Variants in ASIC4 observed in about 807,000 individuals in gnomAD.
ASIC4 encodes the protein acid sensing ion channel subunit family member 4, also known as acid-sensing ion channel 4.
Under a neutral mutation model 53.4 loss-of-function variants are expected in ASIC4, and 28 were observed. The ratio of observed to expected loss-of-function variants is 0.52; its 90% CI spans 0.39 to 0.72. The LOEUF (loss-of-function observed/expected upper bound fraction) is 0.72. ASIC4 is among the 30% of genes least tolerant of loss of function. ASIC4 has a pLI of 0.00. For synonymous variants in ASIC4, 289 were observed against 301.4 expected, an observed-to-expected ratio of 0.96 and a Z score of 0.43; for missense variants, 649 against 729.7, an observed-to-expected ratio of 0.89 and a Z score of 1.27.
At chr2:219,509,499 G>A (rs1034552597), upstream of ASIC4, among the ~76,000 whole-genome samples, 5 of 152,026 alleles carry the variant, frequency 3.3e-5, no homozygotes, top group African/African-American at 9.7e-5. This position sits in a 1 kb window ranked among gnomAD's most constrained non-coding sequence, Gnocchi z 5.2. Flanking sequence ...ACCCGGCCCC[G>A]CCTGCCACCC....
chr2:219,525,721 C>T (rs917039210), intron 1 of ASIC4, among the ~76,000 whole-genome samples: 1 of 152,200 alleles, frequency 6.6e-6, no homozygotes, highest in Non-Finnish European at 1.5e-5. Flanking sequence ...AAAGCTAGGC[C>T]CTGGGAGCTG....
Position 219,531,505 on chromosome 2 carries a change from C to T in ASIC4, c.583-253C>T, listed in dbSNP as rs913464267. 5.3e-5 allele frequency among the ~76,000 whole-genome samples: 8 copies of T among 152,170 alleles called. No homozygotes were observed. In the East Asian group the frequency reaches 1.4e-3, roughly 26 times the overall value. On this transcript the variant is annotated intron_variant, in intron 1 of 9. Transcript: ENST00000358078. ...GGTGGTTTACTAGGGTGGAGGAAAA[C>T]GGTGGGGGGAAGGCAGGGTTTGGGA...
upstream of ASIC4, among the ~76,000 whole-genome samples, chr2:219,512,115 T>C (rs1574484163): frequency 2.0e-5 from 3 of 151,622 alleles, no homozygotes; most frequent in South Asian, 6.3e-4. Context: ...GGGGCAGTGG[T>C]GGGGGTGTGC....
chr2:219,532,063 A>G lies in ASIC4; in HGVS notation c.790A>G (p.Ile264Val), dbSNP rs148791410. Residue 264 changes from isoleucine (I) to valine (V), a missense_variant, in exon 3 of 10, where the codon ATC (isoleucine) becomes GTC (valine). By Grantham distance (29) the Ile-to-Val change is conservative (BLOSUM62 3). Coordinates refer to ENST00000358078, the MANE Select transcript of ASIC4 (RefSeq NM_018674.6). ...QIHSQEEPPY[I>V]HQLGFGVSPG... ...CCACAGCCAGGAGGAGCCGCCCTAC[A>G]TCCACCAGCTGGGGTTCGGGGTGTC... 775 of 1,614,206 alleles carry G rather than the reference A, an allele frequency of 4.8e-4. 9 individuals carry two copies. The highest frequency in any genetic ancestry group is 1.6e-3 in the Admixed American group (96 of 60,030).
rs1695138857 is a variant in ASIC4, at chr2:219,536,522, G to C, written c.1230-544G>C. Among the ~76,000 whole-genome samples, 1 of 152,202 alleles carries C rather than the reference G, an allele frequency of 6.6e-6. No individual in the cohort carries two copies. The highest frequency in any genetic ancestry group is 2.4e-5 in the African/African-American group (1 of 41,442). On this transcript the variant is annotated intron_variant, in intron 6 of 9. Coordinates refer to ENST00000358078, the MANE Select transcript of ASIC4 (RefSeq NM_018674.6). The surrounding 1 kb of genome is among the most constrained non-coding windows in gnomAD (Gnocchi z 4.6). ...TCGGGGAGTGAAGCTGGGGAGGCGT[G>C]AGCCGGCCTCTGAGGGCCCTGGGTT...
At chr2:219,513,680 A>G (rs925874612), upstream of ASIC4, among the ~76,000 whole-genome samples, 1 of 152,168 alleles carries the variant, frequency 6.6e-6, no homozygotes, top group African/African-American at 2.4e-5. Flanking sequence ...TGGTTGTGGC[A>G]AGGGATTTGG....
Position 219,515,150 on chromosome 2 carries a change from G to T in ASIC4, c.426G>T (p.Leu142=), listed in dbSNP as rs1385815374. The change falls in exon 1 of 10, where the codon CTG becomes CTT. Residue 142 remains leucine, a synonymous_variant. Coordinates refer to ENST00000358078, the MANE Select transcript of ASIC4 (RefSeq NM_018674.6). ...TCCACCTGGCCAATCTGACAGGGCT[G>T]CCCCCCAAAGACCGGGATGGGCACC... The part of the protein sequence containing the change: ...DIFHLANLTG[L]PPKDRDGHRA... 1.5e-5 allele frequency: 25 copies of T among 1,614,138 alleles called. No individual in the cohort carries two copies. Among genetic ancestry groups the T allele is most frequent in the Non-Finnish European group, 2.1e-5 (25 of 1,180,014 alleles).
At position 219,536,800 on chromosome 2, in the gene ASIC4, C is replaced by T. The variant is rs1695145402; in HGVS notation, c.1230-266C>T. ...GCGTAAGGAGGAGGCAAAGGCAACA[C>T]CACTGGCTGCTTTAGAGGAGGGAGG... On this transcript the variant is annotated intron_variant, in intron 6 of 9. Transcript: ENST00000358078. The surrounding 1 kb of genome is among the most constrained non-coding windows in gnomAD (Gnocchi z 4.6). Among the ~76,000 whole-genome samples, 1 of 152,074 alleles carries T rather than the reference C, an allele frequency of 6.6e-6. No individual in the cohort carries two copies.
rs747603402 is a variant in ASIC4, at chr2:219,532,288, T to C, written c.856-27T>C. On this transcript the variant is annotated intron_variant, in intron 3 of 9. Coordinates refer to ENST00000358078, the MANE Select transcript of ASIC4 (RefSeq NM_018674.6). ...GAGGACTGGGTGGGATTCCTGAGCATGACCTCATCATGCCCCACCTCTGCA... is the reference window on the plus strand; with the variant it reads ...GAGGACTGGGTGGGATTCCTGAGCACGACCTCATCATGCCCCACCTCTGCA... The C allele has an allele frequency of 1.0e-5, 16 of 1,602,502 alleles. No individual in the cohort carries two copies. In the Admixed American group the frequency reaches 2.2e-4, roughly 22 times the overall value.
At chr2:219,532,706 G>A (rs1394820172) in intron 4 of ASIC4, 177 bp from the exon 5 acceptor site, 6 of 811,938 alleles carry the variant, frequency 7.4e-6, no homozygotes, top group Non-Finnish European at 1.2e-5. Flanking sequence ...ATTTGTGTAC[G>A]TGCATGCTCA....
At chr2:219,509,928 C>T (rs560450244), upstream of ASIC4, among the ~76,000 whole-genome samples, 291 of 152,250 alleles carry the variant, frequency 1.9e-3, 2 homozygotes, top group African/African-American at 6.5e-3. The surrounding 1 kb of genome is among the most constrained non-coding windows in gnomAD (Gnocchi z 5.2). Flanking sequence ...CTGCCCCCAC[C>T]CCCAAATCCG....
Position 219,532,004 on chromosome 2 carries a change from A to G in ASIC4, c.731A>G (p.Glu244Gly). The G allele has an allele frequency of 6.2e-7, 1 of 1,614,200 alleles. No homozygotes were observed. Among genetic ancestry groups the G allele is most frequent in the South Asian group, 1.1e-5 (1 of 91,082 alleles). The change falls in exon 3 of 10, where the codon GAG becomes GGG. Residue 244 changes from glutamate to glycine, a missense_variant. Transcript: ENST00000358078. ...EYLPIWRETNETSFEAGIRVQ... is the reference protein window; with the variant it reads ...EYLPIWRETNGTSFEAGIRVQ... ...GGTCCCCATCTCTGCTGTGCAGATGAGACGTCGTTTGAGGCAGGTATTCGG... is the reference window on the plus strand; with the variant it reads ...GGTCCCCATCTCTGCTGTGCAGATGGGACGTCGTTTGAGGCAGGTATTCGG...
At chr2:219,510,845 C>A (rs1399363425), upstream of ASIC4, among the ~76,000 whole-genome samples, 2 of 152,026 alleles carry the variant, frequency 1.3e-5, no homozygotes, top group Non-Finnish European at 2.9e-5. The surrounding 1 kb of genome is among the most constrained non-coding windows in gnomAD (Gnocchi z 5.2). Context: ...CTCCCCACCC[C>A]CCTTCTCTGG....
rs1424327598 is a variant in ASIC4, at chr2:219,522,719, GC to G, written c.582+7418del. On this transcript the variant is annotated intron_variant, in intron 1 of 9. Coordinates refer to ENST00000358078, the MANE Select transcript of ASIC4 (RefSeq NM_018674.6). ...CCGCATCCATCTCCTCGGGACCCCCGCCCCCGTCGCCCCCTCCCCGGCCGCC... is the reference window on the plus strand; with the variant it reads ...CCGCATCCATCTCCTCGGGACCCCCGCCCCGTCGCCCCCTCCCCGGCCGCC... Among the ~76,000 whole-genome samples, 3 of 152,158 alleles carry G rather than the reference GC, an allele frequency of 2.0e-5. No homozygotes were observed. In the East Asian group the frequency reaches 5.8e-4, roughly 29 times the overall value.
In ASIC4 at chr2:219,537,483, G is replaced by A. The variant is rs1488848450; in HGVS notation, c.1402-149G>A. ...GGCAGGCCTGAGGGCTCAGAGTCAG[G>A]AGAAGGGGATGGGTGAGGAGGAGGA... On this transcript the variant is annotated intron_variant, in intron 8 of 9. Coordinates refer to ENST00000358078, the MANE Select transcript of ASIC4 (RefSeq NM_018674.6). This position sits in a 1 kb window ranked among gnomAD's most constrained non-coding sequence, Gnocchi z 4.9. The A allele has an allele frequency of 2.8e-6, 3 of 1,069,262 alleles. No individual in the cohort carries two copies. The highest frequency in any genetic ancestry group is 3.0e-5 in the South Asian group (2 of 66,524). The allele number at this position is 1,069,262 out of a possible 1,614,324, so 66.2% of individuals were successfully genotyped here.
chr2:219,508,739 G>A, the ASIC4 span, among the ~76,000 whole-genome samples: 1 of 151,442 alleles, frequency 6.6e-6, no homozygotes, highest in Non-Finnish European at 1.5e-5. Flanking sequence ...GGCTGTTTAG[G>A]GGTAGGAGGG....
intron 1 of ASIC4, among the ~76,000 whole-genome samples, chr2:219,528,263 A>C (rs201184291): frequency 6.6e-6 from 1 of 152,142 alleles, no homozygotes; most frequent in Non-Finnish European, 1.5e-5. Context: ...CTGCTCTGTC[A>C]CCCAGGCTGG....
upstream of ASIC4, chr2:219,514,357 C>A (rs758154207): frequency 6.5e-7 from 1 of 1,544,652 alleles, no homozygotes; most frequent in South Asian, 1.2e-5. Flanking sequence ...CTGAGCGGAG[C>A]GGCTGGGGCT....
Position 219,537,357 on chromosome 2 carries a change from G to A in ASIC4, c.1401+36G>A, listed in dbSNP as rs370906768. 5 of 1,594,122 alleles carry A rather than the reference G, an allele frequency of 3.1e-6. No homozygotes were observed. The African/African-American group carries it at 5.4e-5, about 17-fold the overall frequency. On this transcript the variant is annotated intron_variant, in intron 8 of 9. Coordinates refer to ENST00000358078, the MANE Select transcript of ASIC4 (RefSeq NM_018674.6). The surrounding 1 kb of genome is among the most constrained non-coding windows in gnomAD (Gnocchi z 4.9). ...TGGAGAAGGCAGGGTGGGAGTGGGG[G>A]CCGTGGGCAAAGCAGAAGGGGGCAG...
Sources: gnomAD v4.1 joint callset for allele counts (sites outside exome capture counted in the v4.1 genomes callset) on GRCh38, gnomAD v4.1.1 for gene constraint, Gnocchi (gnomAD v3.1) non-coding constraint, MANE v1.5 for transcripts, NCBI Gene and HGNC (gene_info 2026-07-23, HGNC 2026-07-21) for gene names.